Variants in TNIK observed in about 807,000 individuals in gnomAD.
TNIK encodes TRAF2 and NCK interacting kinase.
A neutral mutation model predicts 191.3 loss-of-function variants in TNIK; 49 were observed. The ratio of observed to expected loss-of-function variants is 0.26; its 90% CI spans 0.20 to 0.32. The LOEUF is 0.32. Ranked by LOEUF, TNIK falls within the 10% of genes least tolerant of loss-of-function variation. TNIK has a pLI of 1.00. For missense variants in TNIK, 1,155 were observed against 1,702.3 expected (o/e 0.68, Z 5.66); for synonymous variants, 594 against 600.9 (o/e 0.99, Z 0.17).
At chr3:171,282,357 T>TTTTTTTTTTTTTTTTTTTTG (rs1750556105) in intron 2 of TNIK, among the ~76,000 whole-genome samples, 1 of 141,160 alleles carries the variant, frequency 7.1e-6, no homozygotes, top group African/African-American at 2.6e-5. Flanking sequence ...TTTTTTTTTT[T>TTTTTTTTTTTTTTTTTTTTG]TGAGATGGAG....
chr3:171,428,204 A>C (rs1279453711), intron 1 of TNIK, among the ~76,000 whole-genome samples: 1 of 152,222 alleles, frequency 6.6e-6, no homozygotes, highest in Non-Finnish European at 1.5e-5. Flanking sequence ...ATGAGTTCGG[A>C]GACTTTCAAT....
chr3:171,184,693 T>G (rs1367591737), intron 7 of TNIK, among the ~76,000 whole-genome samples: 3 of 152,224 alleles, frequency 2.0e-5, no homozygotes, highest in South Asian at 2.1e-4. Context: ...GGTGACACCC[T>G]GCACGGCGGA....
intron 1 of TNIK, among the ~76,000 whole-genome samples, chr3:171,426,632 T>G (rs927334837): frequency 6.6e-6 from 1 of 152,130 alleles, no homozygotes; most frequent in Non-Finnish European, 1.5e-5. Context: ...CAGGTCTACC[T>G]TGCTTCAACC....
chr3:171,420,807 C>G (rs6793807), intron 1 of TNIK, among the ~76,000 whole-genome samples: 6,029 of 152,176 alleles, frequency 0.04, 412 homozygotes, highest in African/African-American at 0.14. Context: ...GTCTGACAAC[C>G]AAGAGAGCTA....
At chr3:171,373,215 T>C (rs1208603192) in intron 1 of TNIK, among the ~76,000 whole-genome samples, 2 of 152,210 alleles carry the variant, frequency 1.3e-5, no homozygotes, top group Non-Finnish European at 2.9e-5. Flanking sequence ...TTCTTACACA[T>C]AGTGGTTGCT....
chr3:171,283,273 G>A (rs1441289506), intron 2 of TNIK, among the ~76,000 whole-genome samples: 7 of 151,760 alleles, frequency 4.6e-5, no homozygotes, highest in Non-Finnish European at 1.0e-4. Context: ...AATGTTTCCT[G>A]GATTCTTTCC....
intron 15 of TNIK, among the ~76,000 whole-genome samples, chr3:171,132,466 A>G (rs531642376): frequency 1.9e-4 from 29 of 152,196 alleles, no homozygotes; most frequent in Non-Finnish European, 3.7e-4. Context: ...TCCACTGCCT[A>G]GGATAGGAGT....
intron 2 of TNIK, among the ~76,000 whole-genome samples, chr3:171,358,959 T>C (rs540582994): frequency 2.6e-5 from 4 of 152,054 alleles, no homozygotes; most frequent in Non-Finnish European, 5.9e-5. Flanking sequence ...GAGTGAGGGA[T>C]AGTAGGGTAT....
Position 171,058,919 on chromosome 3 carries a change from A to G in TNIK, c.*4962T>C, listed in dbSNP as rs1717590461. On this transcript the variant is annotated 3_prime_UTR_variant, in exon 33 of 33. Coordinates refer to ENST00000436636, the MANE Select transcript of TNIK (RefSeq NM_015028.4). ...ACATTTGAAGTTTTGATTCAGGGTA[A>G]TGTCCAAGGTTTCTTAAACATACCA... Among the ~76,000 whole-genome samples, 1 of 152,200 alleles carries G rather than the reference A, an allele frequency of 6.6e-6. No homozygotes were observed. Among genetic ancestry groups the G allele is most frequent in the Non-Finnish European group, 1.5e-5 (1 of 68,022 alleles).
At position 171,244,314 on chromosome 3, in the gene TNIK, C is replaced by A. The variant is rs1478659251; in HGVS notation, c.124-16093G>T. 6.6e-5 allele frequency among the ~76,000 whole-genome samples: 10 copies of A among 152,234 alleles called. No homozygotes were observed. The East Asian group carries it at 1.7e-3, about 26-fold the overall frequency. Reference sequence around the variant, plus strand: ...TCTTCTGACCTCGTGATCCACCCACCTCGGCCTCCCAAAGTGCTGGGATTA... The same window carrying A: ...TCTTCTGACCTCGTGATCCACCCACATCGGCCTCCCAAAGTGCTGGGATTA... On this transcript the variant is annotated intron_variant, in intron 2 of 32. Coordinates refer to ENST00000436636, the MANE Select transcript of TNIK (RefSeq NM_015028.4).
At chr3:171,244,281 G>T (rs1845130) in intron 2 of TNIK, among the ~76,000 whole-genome samples, 93,915 of 151,600 alleles carry the variant, frequency 0.62, 29,316 homozygotes, top group African/African-American at 0.7. Context: ...TAGCCAGGAT[G>T]GTCTCGATCT....
intron 1 of TNIK, among the ~76,000 whole-genome samples, chr3:171,381,593 C>T (rs896400987): frequency 1.3e-5 from 2 of 152,200 alleles, no homozygotes; most frequent in Non-Finnish European, 2.9e-5. Context: ...ACCCAATATT[C>T]ATTCTCCCCT....
intron 1 of TNIK, among the ~76,000 whole-genome samples, chr3:171,433,937 C>CTTTTTTTTTT (rs67036993): frequency 1.4e-5 from 1 of 71,114 alleles, no homozygotes; most frequent in Non-Finnish European, 2.5e-5. Flanking sequence ...TTTCTTTTTC[C>CTTTTTTTTTT]TTTTTTTTTT....
At chr3:171,426,326 G>A (rs1323607134) in intron 1 of TNIK, among the ~76,000 whole-genome samples, 2 of 147,514 alleles carry the variant, frequency 1.4e-5, no homozygotes, top group African/African-American at 2.5e-5. Flanking sequence ...AACACCGCAT[G>A]TTCTCACTCA....
intron 18 of TNIK, among the ~76,000 whole-genome samples, chr3:171,114,172 T>TG (rs563930869): frequency 2.4e-4 from 36 of 152,320 alleles, no homozygotes; most frequent in Middle Eastern, 3.4e-3. Flanking sequence ...GCCTTCCAGA[T>TG]GCTGAGAAGA....
Position 171,061,258 on chromosome 3 carries a change from G to T in TNIK, c.*2623C>A, listed in dbSNP as rs1485229519. ...AAATATCTGTCTTTTAAAGAGCACA[G>T]ATTTCTGGGGGGCCCATTTAAATTT... is the stretch of plus-strand genomic sequence containing the variant. On this transcript the variant is annotated 3_prime_UTR_variant, in exon 33 of 33. Coordinates refer to ENST00000436636, the MANE Select transcript of TNIK (RefSeq NM_015028.4). The T allele has an allele frequency of 6.6e-6, 1 of 152,178 alleles. No individual in the cohort carries two copies. Among genetic ancestry groups the T allele is most frequent in the Non-Finnish European group, 1.5e-5 (1 of 68,012 alleles). 9.4% of individuals were successfully genotyped at this position (152,178 alleles called of 1,614,324 possible). A position where few individuals can be genotyped will look rare whatever the true frequency, so the allele number is the denominator to read the frequency against.
chr3:171,248,415 G>T (rs1745852432), intron 2 of TNIK, among the ~76,000 whole-genome samples: 1 of 152,164 alleles, frequency 6.6e-6, no homozygotes, highest in Non-Finnish European at 1.5e-5. Context: ...CTTAGGGAAG[G>T]GGTCTGCAAG....
chr3:171,113,390 G>C (rs1726160196), intron 18 of TNIK, among the ~76,000 whole-genome samples: 1 of 152,110 alleles, frequency 6.6e-6, no homozygotes, highest in Non-Finnish European at 1.5e-5. Context: ...CAGATCACGA[G>C]GTCAGGAGAT....
At chr3:171,192,992 G>A (rs776173061) in intron 5 of TNIK, among the ~76,000 whole-genome samples, 1 of 151,950 alleles carries the variant, frequency 6.6e-6, no homozygotes, top group Non-Finnish European at 1.5e-5. Flanking sequence ...TAACCCAGCT[G>A]GAATAAATTT....
Sources: allele counts gnomAD v4.1 joint callset (sites outside exome capture counted in the v4.1 genomes callset), GRCh38; gene constraint gnomAD v4.1.1; transcripts MANE v1.5; gene names NCBI Gene and HGNC (gene_info 2026-07-23, HGNC 2026-07-21).